COL26A1: variants seen among roughly 807,000 people sequenced by gnomAD.
The protein encoded by COL26A1 is collagen alpha-1(XXVI) chain.
Under a neutral mutation model 59.3 loss-of-function variants are expected in COL26A1, and 41 were observed. The observed-to-expected ratio is 0.69, with a 90% CI of 0.54 to 0.90. The LOEUF (loss-of-function observed/expected upper bound fraction) is 0.90. COL26A1 is among the 40% of genes least tolerant of loss of function. The pLI, the probability that COL26A1 is intolerant of heterozygous loss-of-function variation, is 0.00. For missense variants in COL26A1, 612 were observed against 602.3 expected, an observed-to-expected ratio of 1.02 and a Z score of -0.17; for synonymous variants, 266 against 256.0, an observed-to-expected ratio of 1.04 and a Z score of -0.37.
intron 2 of COL26A1, among the ~76,000 whole-genome samples, chr7:101,437,109 G>A (rs922190422): frequency 1.3e-5 from 2 of 152,188 alleles, no homozygotes; most frequent in African/African-American, 4.8e-5. Context: ...CTAGGCAGGC[G>A]GTGTAGCCAG....
intron 2 of COL26A1, among the ~76,000 whole-genome samples, chr7:101,442,897 G>A (rs557470565): frequency 1.3e-5 from 2 of 152,116 alleles, no homozygotes; most frequent in South Asian, 2.1e-4. Context: ...GTGCAAGCAC[G>A]AGTGTGCACA....
intron 3 of COL26A1, among the ~76,000 whole-genome samples, chr7:101,463,901 CTT>C (rs1554416113): frequency 0.069 from 2,348 of 34,110 alleles, 117 homozygotes; most frequent in African/African-American, 0.27. Flanking sequence ...TTCTTTCTTT[CTT>C]TTTCTTTCTC....
Position 101,420,109 on chromosome 7 carries a change from G to T in COL26A1, c.281+10G>T, listed in dbSNP as rs370129983. The T allele has an allele frequency of 1.5e-4, 234 of 1,611,434 alleles. No homozygotes were observed. In the Admixed American group the frequency reaches 3.8e-3, roughly 26 times the overall value. The stretch of plus-strand genomic sequence containing the variant: ...GCGCCAACCTCGTAAGGTAAAGGCC[G>T]CTGGGCTAGGCTGCTCTGCCCTTCC... On this transcript the variant is annotated intron_variant, in intron 2 of 12. Transcript: ENST00000313669.
intron 3 of COL26A1, among the ~76,000 whole-genome samples, chr7:101,512,446 C>T (rs1186507058): frequency 7.2e-6 from 1 of 138,454 alleles, no homozygotes; most frequent in East Asian, 2.0e-4. Flanking sequence ...TACTGAGAGC[C>T]CTGTCTCTAC....
intron 3 of COL26A1, among the ~76,000 whole-genome samples, chr7:101,530,968 G>GT (rs1164174947): frequency 6.6e-6 from 1 of 150,754 alleles, no homozygotes; most frequent in East Asian, 1.9e-4. Flanking sequence ...TTTGTTTTTT[G>GT]TTTTTTTGTT....
At chr7:101,524,303 C>T (rs1457501700) in intron 3 of COL26A1, among the ~76,000 whole-genome samples, 2 of 151,552 alleles carry the variant, frequency 1.3e-5, no homozygotes, top group African/African-American at 4.8e-5. Flanking sequence ...ATTGCAGTGA[C>T]ATCGATGATT....
At position 101,557,614 on chromosome 7, in the gene COL26A1, C is replaced by G; in HGVS notation, c.*84C>G. ...CCGCCGCTGTTTCCTAAAGATGCCC[C>G]CAGGGGAACTGGGCTCCAGGCATGG... On this transcript the variant is annotated 3_prime_UTR_variant, in exon 13 of 13. Transcript: ENST00000313669. 1 of 1,382,862 alleles carries G rather than the reference C, an allele frequency of 7.2e-7. No homozygotes were observed. Among genetic ancestry groups the G allele is most frequent in the Non-Finnish European group, 9.8e-7 (1 of 1,023,492 alleles). The allele number at this position is 1,382,862 out of a possible 1,614,324, so 85.7% of individuals were successfully genotyped here.
chr7:101,507,154 A>T (rs1370365182), intron 3 of COL26A1, among the ~76,000 whole-genome samples: 1 of 152,092 alleles, frequency 6.6e-6, no homozygotes, highest in Non-Finnish European at 1.5e-5. Context: ...GCCTCAAGTG[A>T]TCCGCCTGCC....
intron 3 of COL26A1, among the ~76,000 whole-genome samples, chr7:101,516,327 G>A (rs1795028194): frequency 6.6e-6 from 1 of 152,030 alleles, no homozygotes; most frequent in South Asian, 2.1e-4. Flanking sequence ...CTGGAGTGCA[G>A]TGGCAATAGT....
intron 1 of COL26A1, among the ~76,000 whole-genome samples, chr7:101,370,905 C>T (rs955305583): frequency 6.6e-6 from 1 of 152,072 alleles, no homozygotes; most frequent in African/African-American, 2.4e-5. Context: ...AGCCCCTGCA[C>T]CTGTGATTTG....
chr7:101,429,251 G>A (rs1274609796), intron 2 of COL26A1, among the ~76,000 whole-genome samples: 3 of 151,834 alleles, frequency 2.0e-5, no homozygotes, highest in Admixed American at 1.3e-4. Context: ...AAGTTTTATC[G>A]TTTTCTGTTT....
chr7:101,475,659 T>C (rs1252522383), intron 3 of COL26A1, among the ~76,000 whole-genome samples: 2 of 151,906 alleles, frequency 1.3e-5, no homozygotes, highest in Non-Finnish European at 2.9e-5. Flanking sequence ...GTTTCCGTGT[T>C]GTTGTGATGT....
At chr7:101,460,387 A>G (rs1449395599) in intron 3 of COL26A1, among the ~76,000 whole-genome samples, 1 of 152,076 alleles carries the variant, frequency 6.6e-6, no homozygotes, top group East Asian at 1.9e-4. Context: ...TCAGAATCCC[A>G]CTTCACCATG....
rs563008543 is a variant in COL26A1 at position 101,533,038 on chromosome 7, A to G, written c.386-44A>G. 23 of 1,471,666 alleles carry G rather than the reference A, an allele frequency of 1.6e-5. No individual in the cohort carries two copies. In the East Asian group the frequency reaches 5.5e-4, roughly 35 times the overall value. The allele number at this position is 1,471,666 out of a possible 1,614,324, so 91.2% of individuals were successfully genotyped here. ...CTGGTGACTGGGCTGCTGTCTTCCTAGGGTCTACACTCTGCTCTCATATAA... is the reference window on the plus strand; with the variant it reads ...CTGGTGACTGGGCTGCTGTCTTCCTGGGGTCTACACTCTGCTCTCATATAA... On this transcript the variant is annotated intron_variant, in intron 3 of 12. Coordinates refer to ENST00000313669, the MANE Select transcript of COL26A1 (RefSeq NM_001278563.3).
Position 101,470,956 on chromosome 7 carries a change from G to A in COL26A1, c.385+23169G>A, listed in dbSNP as rs1475242425. ...CATAAACTCAGATTTGGGGGAAAGA[G>A]GCTTGTTATGAATAACAAAACACAC... On this transcript the variant is annotated intron_variant, in intron 3 of 12. Transcript: ENST00000313669. Among the ~76,000 whole-genome samples, 6 of 152,160 alleles carry A rather than the reference G, an allele frequency of 3.9e-5. No homozygotes were observed. In the East Asian group the frequency reaches 1.2e-3, roughly 29 times the overall value.
At chr7:101,434,059 TCC>T (rs1562976838) in intron 2 of COL26A1, among the ~76,000 whole-genome samples, 37 of 42,278 alleles carry the variant, frequency 8.8e-4, no homozygotes, top group East Asian at 7.4e-3. Context: ...CCTCCCTCCC[TCC>T]CTCCCTCCCT....
intron 1 of COL26A1, among the ~76,000 whole-genome samples, chr7:101,368,364 G>C (rs1273860630): frequency 6.6e-6 from 1 of 152,170 alleles, no homozygotes; most frequent in Non-Finnish European, 1.5e-5. Context: ...TTAGCCAGGA[G>C]GGTTCTTGGC....
intron 1 of COL26A1, among the ~76,000 whole-genome samples, chr7:101,383,034 C>T (rs1791483663): frequency 1.3e-5 from 2 of 150,932 alleles, no homozygotes; most frequent in African/African-American, 4.9e-5. Context: ...AGAGCAAGAT[C>T]CTGTCTCAAA....
chr7:101,533,825 C>T (rs746551108), intron 4 of COL26A1, among the ~76,000 whole-genome samples: 16 of 152,198 alleles, frequency 1.1e-4, no homozygotes, highest in Non-Finnish European at 2.2e-4. Context: ...GGCATCTCTC[C>T]TGCTCCTCAC....
Sources: allele counts gnomAD v4.1 joint callset (sites outside exome capture counted in the v4.1 genomes callset), GRCh38; gene constraint gnomAD v4.1.1; transcripts MANE v1.5; gene names NCBI Gene and HGNC (gene_info 2026-07-23, HGNC 2026-07-21).